NBAS: variants seen among roughly 807,000 people sequenced by gnomAD.
NBAS encodes the protein NBAS subunit of NRZ tethering complex.
A neutral mutation model predicts 302.5 loss-of-function variants in NBAS; 219 were observed. That is an observed-to-expected ratio of 0.72 (90% CI 0.65 to 0.81). The LOEUF (loss-of-function observed/expected upper bound fraction) is 0.81. NBAS is among the 30% of genes least tolerant of loss of function. NBAS has a pLI of 0.00. For synonymous variants in NBAS, 1,118 were observed against 1,021.6 expected (o/e 1.09, Z -1.80); for missense variants, 2,932 against 2,841.6 (o/e 1.03, Z -0.72).
chr2:14,898,630 G>A, the NBAS span, among the ~76,000 whole-genome samples: 2 of 152,162 alleles, frequency 1.3e-5, no homozygotes, highest in African/African-American at 2.4e-5. Flanking sequence ...TTTCTTGGTA[G>A]TGAATAAGTC....
At chr2:15,139,474 C>T in the NBAS span, among the ~76,000 whole-genome samples, 2 of 151,924 alleles carry the variant, frequency 1.3e-5, no homozygotes, top group African/African-American at 2.4e-5. Flanking sequence ...TTACTTTCTG[C>T]CTCTATCTTC....
intron 9 of NBAS, among the ~76,000 whole-genome samples, chr2:15,528,876 A>T (rs1204808800): frequency 0.021 from 659 of 31,336 alleles, 6 homozygotes; most frequent in Non-Finnish European, 0.032. Flanking sequence ...CAAAAAAAAA[A>T]AAATATATAT....
At chr2:15,131,650 A>G in the NBAS span, among the ~76,000 whole-genome samples, 1 of 152,218 alleles carries the variant, frequency 6.6e-6, no homozygotes. Flanking sequence ...CAAGGCTAAC[A>G]TCAGAAAGAC....
the NBAS span, among the ~76,000 whole-genome samples, chr2:14,843,667 G>A: frequency 3.3e-5 from 5 of 152,074 alleles, no homozygotes; most frequent in African/African-American, 1.2e-4. Flanking sequence ...GGAACTGGAA[G>A]AGGGTAGGAA....
the NBAS span, among the ~76,000 whole-genome samples, chr2:15,001,081 C>G: frequency 1.1e-4 from 16 of 152,132 alleles, no homozygotes; most frequent in African/African-American, 3.6e-4. Context: ...ATTGTCCTAA[C>G]AATGTTCAAA....
chr2:15,066,169 A>C, the NBAS span, among the ~76,000 whole-genome samples: 105 of 152,318 alleles, frequency 6.9e-4, no homozygotes, highest in African/African-American at 2.5e-3. Context: ...TGGGAAAACT[A>C]GATACCTACA....
intron 36 of NBAS, 114 bp from the exon 37 acceptor site, chr2:15,328,426 A>T: frequency 1.1e-6 from 1 of 870,300 alleles, no homozygotes; most frequent in Non-Finnish European, 1.9e-6. Context: ...GCTGATTTCA[A>T]AAGAAACTGG....
At chr2:14,802,506 G>T in the NBAS span, among the ~76,000 whole-genome samples, 1 of 151,782 alleles carries the variant, frequency 6.6e-6, no homozygotes, top group African/African-American at 2.4e-5. Context: ...GGCGATGCAG[G>T]CTCCTTTTTG....
chr2:15,275,103 A>G (rs1234043810), intron 44 of NBAS, among the ~76,000 whole-genome samples: 2 of 152,152 alleles, frequency 1.3e-5, no homozygotes, highest in Non-Finnish European at 2.9e-5. Flanking sequence ...TTAAAGACTC[A>G]GGCTAACCCA....
intron 10 of NBAS, among the ~76,000 whole-genome samples, chr2:15,510,282 T>C (rs937231096): frequency 1.3e-5 from 2 of 152,202 alleles, no homozygotes; most frequent in Non-Finnish European, 2.9e-5. Flanking sequence ...GAAAACTATT[T>C]CCCAGCCCCT....
chr2:15,375,445 T>C (rs770617675), intron 30 of NBAS, among the ~76,000 whole-genome samples: 7 of 152,174 alleles, frequency 4.6e-5, no homozygotes, highest in East Asian at 1.9e-4. Flanking sequence ...GGCTCATGAA[T>C]GCTAGAATCA....
chr2:14,820,668 A>C, the NBAS span, among the ~76,000 whole-genome samples: 1 of 152,228 alleles, frequency 6.6e-6, no homozygotes, highest in South Asian at 2.1e-4. Flanking sequence ...TAACTTAAAG[A>C]GTATAAATTC....
intron 11 of NBAS, among the ~76,000 whole-genome samples, chr2:15,499,191 G>A (rs943773738): frequency 6.6e-6 from 1 of 152,188 alleles, no homozygotes; most frequent in African/African-American, 2.4e-5. Context: ...AGCCTCCCAA[G>A]TGCTGGGATT....
At chr2:15,324,491 C>T (rs932624085) in intron 38 of NBAS, among the ~76,000 whole-genome samples, 3 of 152,112 alleles carry the variant, frequency 2.0e-5, no homozygotes, top group African/African-American at 7.2e-5. Flanking sequence ...TCTATTTCCC[C>T]TTATTCATCC....
intron 21 of NBAS, among the ~76,000 whole-genome samples, chr2:15,440,603 TCTC>T (rs1678331759): frequency 6.6e-6 from 1 of 152,026 alleles, no homozygotes; most frequent in Non-Finnish European, 1.5e-5. Flanking sequence ...GCAGAGCAAC[TCTC>T]CTCCTCCAAA....
chr2:14,943,288 C>T, the NBAS span, among the ~76,000 whole-genome samples: 1 of 152,338 alleles, frequency 6.6e-6, no homozygotes, highest in South Asian at 2.1e-4. Context: ...CCCTTAATTC[C>T]ATGCATGAGC....
intron 48 of NBAS, among the ~76,000 whole-genome samples, chr2:15,215,520 T>C (rs1666612159): frequency 6.6e-6 from 1 of 152,250 alleles, no homozygotes; most frequent in South Asian, 2.1e-4. Flanking sequence ...CATTGCAATA[T>C]CATTATCTAT....
the NBAS span, among the ~76,000 whole-genome samples, chr2:14,813,798 A>G: frequency 1.3e-5 from 2 of 152,238 alleles, no homozygotes; most frequent in Non-Finnish European, 2.9e-5. Flanking sequence ...GCCAAATATC[A>G]ACAGCCAGGA....
At chr2:15,230,209 C>G (rs1667323415) in intron 47 of NBAS, among the ~76,000 whole-genome samples, 1 of 152,066 alleles carries the variant, frequency 6.6e-6, no homozygotes, top group Admixed American at 6.5e-5. Context: ...ATAACCATAT[C>G]ACTGCAAAGA....
Sources: allele counts gnomAD v4.1 joint callset (sites outside exome capture counted in the v4.1 genomes callset), GRCh38; gene constraint gnomAD v4.1.1; transcripts MANE v1.5; gene names NCBI Gene and HGNC (gene_info 2026-07-23, HGNC 2026-07-21).